The following AFDN variants were observed in gnomAD, a reference collection of about 807,000 sequenced individuals.
The protein encoded by AFDN is afadin.
Under a neutral mutation model 216.6 loss-of-function variants are expected in AFDN, and 68 were observed. That is an observed-to-expected ratio of 0.31 (90% CI 0.26 to 0.38). AFDN has a LOEUF of 0.38. AFDN is among the 10% of genes least tolerant of loss of function. The probability of loss-of-function intolerance (pLI) is 1.00; values close to 1 mark genes in which losing one functional copy is unlikely to be tolerated. For missense variants in AFDN, 2,136 were observed against 2,342.0 expected, an observed-to-expected ratio of 0.91 and a Z score of 1.82; for synonymous variants, 868 against 853.7, an observed-to-expected ratio of 1.02 and a Z score of -0.29.
Position 167,914,256 on chromosome 6 carries a change from G to C in AFDN, c.2147G>C (p.Ser716Thr). Residue 716 changes from serine (S) to threonine (T), a missense_variant, in exon 17 of 34, where the codon AGT becomes ACT. By Grantham distance (58) the Ser-to-Thr change is moderately conservative. Around this residue, in one of 8 missense-constraint regions of AFDN, gnomAD observed 817 missense variants for 965.7 expected, o/e 0.85. Coordinates refer to ENST00000683244, the MANE Select transcript of AFDN (RefSeq NM_001386888.1). ...TTCATTAAGCAAGACCGAGACCTTA[G>C]TCGGATCACACTGGATGCTCAAGAT... Reference protein sequence around the residue: ...LNFIKQDRDLSRITLDAQDVL... With the variant: ...LNFIKQDRDLTRITLDAQDVL... 1.2e-6 allele frequency: 2 copies of C among 1,614,170 alleles called. No homozygotes were observed. The highest frequency in any genetic ancestry group is 1.7e-6 in the Non-Finnish European group (2 of 1,180,024).
At chr6:167,903,599 A>G (rs1789268643) in intron 12 of AFDN, among the ~76,000 whole-genome samples, 1 of 152,180 alleles carries the variant, frequency 6.6e-6, no homozygotes, top group African/African-American at 2.4e-5. Flanking sequence ...TGGTGCCACA[A>G]ACTCCTATGA....
chr6:167,935,783 T>TC, intron 23 of AFDN, among the ~76,000 whole-genome samples: 1 of 152,308 alleles, frequency 6.6e-6, no homozygotes, highest in Admixed American at 6.5e-5. Context: ...GCTTTTCTTT[T>TC]TTTTTTCTTT....
At chr6:167,882,967 G>A (rs1461458228) in intron 6 of AFDN, among the ~76,000 whole-genome samples, 2 of 152,094 alleles carry the variant, frequency 1.3e-5, no homozygotes, top group Non-Finnish European at 2.9e-5. Flanking sequence ...AGAGTGAAAT[G>A]ATTCCCCATC....
intron 1 of AFDN, among the ~76,000 whole-genome samples, chr6:167,835,004 GTCTGCCTTGCAC>G (rs922555731): frequency 3.9e-5 from 6 of 152,076 alleles, no homozygotes; most frequent in African/African-American, 1.2e-4. Context: ...AAAAACATTT[GTCTGCCTTGCAC>G]TTTGAATGGT....
chr6:167,871,827 G>T (rs1784831340), intron 3 of AFDN, among the ~76,000 whole-genome samples: 3 of 152,014 alleles, frequency 2.0e-5, no homozygotes, highest in Non-Finnish European at 2.9e-5. Flanking sequence ...AATTTTGTTA[G>T]GTTTCTTTTA....
rs571718478 is a variant in AFDN, at chr6:167,889,385, C to A, written c.1009+59C>A. The A allele has an allele frequency of 3.3e-4, 370 of 1,125,970 alleles. 3 individuals carry two copies. The highest frequency in any genetic ancestry group is 3.1e-3 in the South Asian group (239 of 77,396). 69.7% of individuals were successfully genotyped at this position (1,125,970 alleles called of 1,614,324 possible). A position where few individuals can be genotyped will look rare whatever the true frequency, so the allele number is the denominator to read the frequency against. ...ATTCCTATGTGATATACCAGGTGTT[C>A]ACCTTATCACATGATGTAGGAGATG... On this transcript the variant is annotated intron_variant, in intron 7 of 33. Coordinates refer to ENST00000683244, the MANE Select transcript of AFDN (RefSeq NM_001386888.1).
chr6:167,886,067 G>T (rs1216046764), intron 6 of AFDN, among the ~76,000 whole-genome samples: 1 of 151,762 alleles, frequency 6.6e-6, no homozygotes, highest in African/African-American at 2.4e-5. Context: ...TGAAAGTATG[G>T]TCACAAAAAT....
At chr6:167,948,551 A>G in intron 29 of AFDN, 73 bp downstream of exon 29, 1 of 1,391,316 alleles carries the variant, frequency 7.2e-7, no homozygotes, top group Non-Finnish European at 9.8e-7. Flanking sequence ...GACACAATTA[A>G]TATTTTCTAT....
intron 12 of AFDN, among the ~76,000 whole-genome samples, chr6:167,906,602 A>T (rs1789721736): frequency 6.6e-6 from 1 of 152,142 alleles, no homozygotes; most frequent in Admixed American, 6.5e-5. Context: ...TTCCATACAA[A>T]TGGTTAGAAT....
chr6:167,861,758 C>T (rs1783600360), intron 1 of AFDN, among the ~76,000 whole-genome samples: 1 of 152,114 alleles, frequency 6.6e-6, no homozygotes, highest in South Asian at 2.1e-4. Flanking sequence ...TCTTTTGGTT[C>T]TTTAATATCT....
rs947720906 is a variant in AFDN, at chr6:167,884,661, A to G, written c.897+4144A>G. 7.9e-5 allele frequency among the ~76,000 whole-genome samples: 12 copies of G among 152,178 alleles called. 1 individual carries two copies. The highest frequency in any genetic ancestry group is 2.0e-4 in the Admixed American group (3 of 15,282). The stretch of plus-strand genomic sequence containing the variant: ...GCTCAAAATAGTAAGCCATGCTGTA[A>G]ATAGATGTGTTGACATCTAGGATTT... On this transcript the variant is annotated intron_variant, in intron 6 of 33. Coordinates refer to ENST00000683244, the MANE Select transcript of AFDN (RefSeq NM_001386888.1).
intron 1 of AFDN, among the ~76,000 whole-genome samples, chr6:167,859,833 G>T (rs777628082): frequency 2.0e-5 from 3 of 150,268 alleles, no homozygotes; most frequent in Non-Finnish European, 1.5e-5. Flanking sequence ...AGCATGAAAA[G>T]AATTTTGTTT....
chr6:167,950,013 G>A (rs1795779555), intron 29 of AFDN, among the ~76,000 whole-genome samples: 1 of 152,180 alleles, frequency 6.6e-6, no homozygotes, highest in Non-Finnish European at 1.5e-5. Flanking sequence ...AGTGACTCAG[G>A]TCAGCCCTTC....
intron 2 of AFDN, among the ~76,000 whole-genome samples, chr6:167,867,876 C>G (rs974557860): frequency 3.9e-5 from 6 of 152,178 alleles, no homozygotes; most frequent in Non-Finnish European, 7.3e-5. Context: ...ATTATGGTGT[C>G]ATTTTTTATG....
intron 32 of AFDN, among the ~76,000 whole-genome samples, chr6:167,966,528 T>C (rs1583083926): frequency 6.6e-6 from 1 of 152,228 alleles, no homozygotes; most frequent in African/African-American, 2.4e-5. Context: ...TTTGATCAGC[T>C]GACAATCAGT....
At chr6:167,866,268 G>A (rs1165721181) in intron 2 of AFDN, among the ~76,000 whole-genome samples, 1 of 152,152 alleles carries the variant, frequency 6.6e-6, no homozygotes, top group Non-Finnish European at 1.5e-5. Context: ...GGTTAAAGAA[G>A]AAGGAAATAG....
In AFDN at chr6:167,946,775, A is replaced by G; in HGVS notation, c.3427A>G (p.Thr1143Ala). Residue 1143 changes from threonine (T) to alanine (A), a missense_variant, in exon 27 of 34, where the codon ACT becomes GCT. Coordinates refer to ENST00000683244, the MANE Select transcript of AFDN (RefSeq NM_001386888.1). ...SEGFELYNNS[T>A]QNGSPESPQL... ...AGGCTTTGAGCTCTATAATAATTCA[A>G]CTCAAAATGGGTCTCCTGAGAGTCC... 1 of 1,613,886 alleles carries G rather than the reference A, an allele frequency of 6.2e-7. No homozygotes were observed.
chr6:167,848,104 G>C (rs563443858), intron 1 of AFDN, among the ~76,000 whole-genome samples: 1 of 152,182 alleles, frequency 6.6e-6, no homozygotes, highest in South Asian at 2.1e-4. Flanking sequence ...GAAACTGTGG[G>C]GGTAGCACTT....
chr6:167,872,929 A>T (rs1323273880), intron 4 of AFDN, among the ~76,000 whole-genome samples: 1 of 152,206 alleles, frequency 6.6e-6, no homozygotes, highest in African/African-American at 2.4e-5. Context: ...GAATAAGTTA[A>T]ATCATTGCAT....
Sources: gnomAD v4.1 joint callset for allele counts (sites outside exome capture counted in the v4.1 genomes callset) on GRCh38, gnomAD v4.1.1 for gene constraint, gnomAD v4.1.1 regional missense constraint, MANE v1.5 for transcripts, NCBI Gene and HGNC (gene_info 2026-07-23, HGNC 2026-07-21) for gene names.